COL24A1: variants seen among roughly 807,000 people sequenced by gnomAD.
The protein encoded by COL24A1 is collagen alpha-1(XXIV) chain.
In COL24A1, 224 loss-of-function variants were observed where a neutral mutation model predicts 253.9. The observed-to-expected ratio is 0.88, with a 90% confidence interval of 0.79 to 0.99. The LOEUF (loss-of-function observed/expected upper bound fraction) is 0.99. Ranked by LOEUF, COL24A1 falls within the 50% of genes least tolerant of loss-of-function variation. COL24A1 has a pLI of 0.00. For synonymous variants in COL24A1, 685 were observed against 673.7 expected, an observed-to-expected ratio of 1.02 and a Z score of -0.26; for missense variants, 2,131 against 2,068.5, an observed-to-expected ratio of 1.03 and a Z score of -0.59.
At chr1:85,800,284 T>C (rs1977331) in intron 47 of COL24A1, among the ~76,000 whole-genome samples, 66,386 of 151,908 alleles carry the variant, frequency 0.44, 14,870 homozygotes, top group East Asian at 0.58. Flanking sequence ...CAGAACCAAA[T>C]GTCTCCATTG....
At chr1:85,975,896 C>G (rs1406432860) in intron 20 of COL24A1, among the ~76,000 whole-genome samples, 1 of 152,138 alleles carries the variant, frequency 6.6e-6, no homozygotes. Flanking sequence ...TTACCTAGAG[C>G]TGAAACTGAT....
chr1:85,945,022 T>TG (rs1689185689), intron 24 of COL24A1, among the ~76,000 whole-genome samples: 2 of 105,324 alleles, frequency 1.9e-5, no homozygotes, highest in African/African-American at 3.6e-5. Flanking sequence ...TTTTTTTTTT[T>TG]TTTTTTTTTT....
intron 2 of COL24A1, among the ~76,000 whole-genome samples, chr1:86,128,752 C>A (rs1648706330): frequency 6.6e-6 from 1 of 151,874 alleles, no homozygotes; most frequent in Admixed American, 6.6e-5. Context: ...TTTTAAAAAT[C>A]AAATGTGTTT....
At chr1:85,901,308 C>T (rs1038378538) in intron 28 of COL24A1, among the ~76,000 whole-genome samples, 2 of 152,078 alleles carry the variant, frequency 1.3e-5, no homozygotes, top group Non-Finnish European at 2.9e-5. Flanking sequence ...AAATGCTCAA[C>T]ATCACTAATT....
intron 28 of COL24A1, among the ~76,000 whole-genome samples, chr1:85,896,733 C>T (rs2102807712): frequency 6.6e-6 from 1 of 152,258 alleles, no homozygotes; most frequent in African/African-American, 2.4e-5. Context: ...CTCCTGACCT[C>T]GTGATCCACC....
At chr1:85,772,157 C>T (rs1174542964) in intron 53 of COL24A1, among the ~76,000 whole-genome samples, 1 of 151,402 alleles carries the variant, frequency 6.6e-6, no homozygotes, top group Non-Finnish European at 1.5e-5. Context: ...GCATAGTATT[C>T]CATGGTGTAT....
intron 58 of COL24A1, chr1:85,736,260 C>G: frequency 2.2e-6 from 1 of 455,916 alleles, no homozygotes; most frequent in South Asian, 1.6e-5. Context: ...CTGTTCATCC[C>G]AGTACTTCTC....
intron 19 of COL24A1, among the ~76,000 whole-genome samples, chr1:86,002,791 G>A (rs1023862474): frequency 6.6e-5 from 10 of 152,146 alleles, no homozygotes; most frequent in African/African-American, 2.2e-4. Flanking sequence ...GGATATACTT[G>A]AATAGCCCCT....
Position 85,969,212 on chromosome 1 carries a change from CT to C in COL24A1, c.2463+1014del, listed in dbSNP as rs552501199. On this transcript the variant is annotated intron_variant, in intron 22 of 59. Coordinates refer to ENST00000370571, the MANE Select transcript of COL24A1 (RefSeq NM_152890.7). Reference sequence around the variant, plus strand: ...TCTCACGAAAAATAAAATGAAAACTCTTTTTTTTCCCCCAATGGGATATAGC... The same window carrying C: ...TCTCACGAAAAATAAAATGAAAACTCTTTTTTTCCCCCAATGGGATATAGC... Among the ~76,000 whole-genome samples, 70 of 151,958 alleles carry C rather than the reference CT, an allele frequency of 4.6e-4. 1 individual carries two copies. The South Asian group carries it at 8.3e-3, about 18-fold the overall frequency.
At chr1:85,775,205 T>A (rs192901580) in intron 53 of COL24A1, among the ~76,000 whole-genome samples, 1 of 152,180 alleles carries the variant, frequency 6.6e-6, no homozygotes, top group Non-Finnish European at 1.5e-5. Context: ...TAAACCTGAG[T>A]TCTATTTTGA....
At chr1:86,117,553 AG>A (rs879855009) in intron 3 of COL24A1, among the ~76,000 whole-genome samples, 20 of 152,000 alleles carry the variant, frequency 1.3e-4, no homozygotes, top group African/African-American at 4.8e-4. Flanking sequence ...GGGGGGAAAA[AG>A]AGGTATAGTT....
chr1:85,796,073 T>C (rs556668101), intron 47 of COL24A1, among the ~76,000 whole-genome samples: 1 of 152,326 alleles, frequency 6.6e-6, no homozygotes, highest in Admixed American at 6.5e-5. Flanking sequence ...ATGTAGCCAA[T>C]TGCTAGAAAT....
chr1:86,150,703 A>C (rs541722613), intron 1 of COL24A1, among the ~76,000 whole-genome samples: 2 of 152,302 alleles, frequency 1.3e-5, no homozygotes, highest in African/African-American at 4.8e-5. Context: ...TAATGAATCC[A>C]AGATTCTTGG....
chr1:85,845,706 A>C (rs1045272480), intron 39 of COL24A1, among the ~76,000 whole-genome samples: 7 of 151,936 alleles, frequency 4.6e-5, no homozygotes, highest in Non-Finnish European at 1.0e-4. Context: ...GATGTAACAG[A>C]AAAAGGATTA....
chr1:85,738,639 C>T (rs767721310), intron 57 of COL24A1, among the ~76,000 whole-genome samples: 10 of 152,292 alleles, frequency 6.6e-5, no homozygotes, highest in South Asian at 2.1e-4. Context: ...GCATTAAAAA[C>T]GCAAGAACAT....
chr1:85,925,248 C>G (rs1364764059), intron 24 of COL24A1, among the ~76,000 whole-genome samples: 1 of 152,136 alleles, frequency 6.6e-6, no homozygotes, highest in Non-Finnish European at 1.5e-5. Flanking sequence ...CCATACTGCC[C>G]AAGGTAATTT....
intron 5 of COL24A1, among the ~76,000 whole-genome samples, chr1:86,107,093 C>G (rs1343535972): frequency 6.6e-6 from 1 of 152,032 alleles, no homozygotes; most frequent in Admixed American, 6.5e-5. Flanking sequence ...GTTAGGTAAC[C>G]CCACCACTAT....
intron 24 of COL24A1, among the ~76,000 whole-genome samples, chr1:85,955,581 T>G (rs1291339670): frequency 1.3e-5 from 2 of 152,236 alleles, no homozygotes; most frequent in Non-Finnish European, 2.9e-5. Flanking sequence ...ACTACCTGCC[T>G]GTCTGCATGC....
intron 27 of COL24A1, among the ~76,000 whole-genome samples, chr1:85,908,275 T>C (rs1685031932): frequency 6.6e-6 from 1 of 151,818 alleles, no homozygotes; most frequent in South Asian, 2.1e-4. Context: ...TGTTGAAGCT[T>C]ACACTTGTAA....
Sources: gnomAD v4.1 joint callset for allele counts (sites outside exome capture counted in the v4.1 genomes callset) on GRCh38, gnomAD v4.1.1 for gene constraint, MANE v1.5 for transcripts, NCBI Gene and HGNC (gene_info 2026-07-23, HGNC 2026-07-21) for gene names.